The following OGG1 variants were observed in gnomAD, a reference collection of about 807,000 sequenced individuals.
OGG1 encodes 8-oxoguanine DNA glycosylase.
A neutral mutation model predicts 42.3 loss-of-function variants in OGG1; 35 were observed. The ratio of observed to expected loss-of-function variants is 0.83; its 90% confidence interval spans 0.63 to 1.10. The LOEUF is 1.10. OGG1 is among the 50% of genes least tolerant of loss of function. The probability of loss-of-function intolerance (pLI) is 0.00; values close to 1 mark genes in which losing one functional copy is unlikely to be tolerated. For synonymous variants in OGG1, 189 were observed against 179.0 expected (o/e 1.06, Z -0.44); for missense variants, 484 against 446.7 (o/e 1.08, Z -0.75).
intron 3 of OGG1, 143 bp from the exon 4 acceptor site, chr3:9,754,561 T>C (rs2077449168): frequency 1.2e-6 from 1 of 819,022 alleles, no homozygotes; most frequent in Non-Finnish European, 2.0e-6. Flanking sequence ...CACATAAAAG[T>C]GTCCACTATC....
At chr3:9,774,429 C>CA (rs1351128894) in intron 2 of OGG1, among the ~76,000 whole-genome samples, 19 of 94,056 alleles carry the variant, frequency 2.0e-4, no homozygotes, top group African/African-American at 6.9e-4. Flanking sequence ...AAAAAAAAAA[C>CA]AAAACTTTAA....
At chr3:9,763,352 C>T in intron 7 of OGG1, 2 of 900,518 alleles carry the variant, frequency 2.2e-6, no homozygotes, top group South Asian at 1.6e-5. Context: ...ATGATTGCAC[C>T]TGTGACTAGC....
At chr3:9,790,329 A>G (rs1029426139), downstream of OGG1, among the ~76,000 whole-genome samples, 1 of 152,226 alleles carries the variant, frequency 6.6e-6, no homozygotes, top group Non-Finnish European at 1.5e-5. Context: ...CTTAGATGCT[A>G]AAATACAACT....
rs1263557382 is a variant in OGG1, at chr3:9,784,324, C to T, written c.382+2724C>T. 1.2e-5 allele frequency: 16 copies of T among 1,389,914 alleles called. No individual in the cohort carries two copies. In the South Asian group the frequency reaches 2.3e-4, roughly 20 times the overall value. 86.1% of individuals were successfully genotyped at this position (1,389,914 alleles called of 1,614,324 possible). ...GTGAAAACCTGCCTTTCCCTTTGGG[C>T]ACCCCCTCTGTATCTATCCAGATAC... On this transcript the variant is annotated intron_variant, in intron 3 of 3. Coordinates refer to the OGG1 transcript ENST00000426518.
At position 9,765,665 on chromosome 3, in the gene OGG1, G is replaced by GAGTT; in HGVS notation, c.1049-143_1049-140dup. The GAGTT allele has an allele frequency of 2.8e-6, 4 of 1,407,156 alleles. No homozygotes were observed. The South Asian group carries it at 5.0e-5, about 18-fold the overall frequency. 87.2% of individuals were successfully genotyped at this position (1,407,156 alleles called of 1,614,324 possible). On this transcript the variant is annotated intron_variant, in intron 7 of 7. Coordinates refer to the OGG1 transcript ENST00000302008. The stretch of plus-strand genomic sequence containing the variant: ...ATAAAGGGGCAATTTAAGGCTTAGA[G>GAGTT]AGTTTAAATGATTTGTCCAAAGCAG...
chr3:9,789,990 G>C (rs200731930), downstream of OGG1: 19 of 1,557,028 alleles, frequency 1.2e-5, no homozygotes, highest in Middle Eastern at 3.5e-4. Flanking sequence ...GTGTCACTGA[G>C]GGGGAGAAGG....
At chr3:9,787,125 A>C in intron 3 of OGG1, 1 of 1,614,142 alleles carries the variant, frequency 6.2e-7, no homozygotes, top group African/African-American at 1.3e-5. Context: ...CGGGCACAGG[A>C]AAGGAGGGGA....
chr3:9,751,815 T>C lies in OGG1; in HGVS notation c.431T>C (p.Phe144Ser). 6.2e-7 allele frequency: 1 copy of C among 1,614,172 alleles called. No individual in the cohort carries two copies. The highest frequency in any genetic ancestry group is 8.5e-7 in the Non-Finnish European group (1 of 1,180,026). Reference sequence around the variant, plus strand: ...GACCCCATCGAATGCCTTTTCTCTTTTATCTGTTCCTCCAACAACAACATC... The same window carrying C: ...GACCCCATCGAATGCCTTTTCTCTTCTATCTGTTCCTCCAACAACAACATC... ...RQDPIECLFS[F>S]ICSSNNNIAR... Residue 144 changes from phenylalanine (F) to serine (S), a missense_variant, in exon 3 of 7, where the codon TTT becomes TCT. Transcript: ENST00000344629.
At chr3:9,787,469 T>C (rs1457838778) in intron 3 of OGG1, 3 of 1,342,448 alleles carry the variant, frequency 2.2e-6, no homozygotes, top group African/African-American at 1.5e-5. Context: ...GTGTCAGGTG[T>C]AGGTAAGAAA....
chr3:9,756,594 C>A lies in OGG1; in HGVS notation c.871C>A (p.Pro291Thr). 1.2e-6 allele frequency: 2 copies of A among 1,614,082 alleles called. No individual in the cohort carries two copies. Among genetic ancestry groups the A allele is most frequent in the South Asian group, 2.2e-5 (2 of 91,080 alleles). ...CCCTACCACGTCCCAGGCGAAGGGACCGAGCCCCCAGACCAACAAGGAACT... is the reference window on the plus strand; with the variant it reads ...CCCTACCACGTCCCAGGCGAAGGGAACGAGCCCCCAGACCAACAAGGAACT... ...WHPTTSQAKG[P>T]SPQTNKELGN... The change falls in exon 5 of 7, where the codon CCG (proline) becomes ACG (threonine). Residue 291 changes from proline to threonine, a missense_variant. Coordinates refer to ENST00000344629, the MANE Select transcript of OGG1 (RefSeq NM_002542.6).
At chr3:9,762,957 A>G (rs761876706) in intron 7 of OGG1, 1 of 1,614,062 alleles carries the variant, frequency 6.2e-7, no homozygotes, top group Non-Finnish European at 8.5e-7. Context: ...CAGGTATTTC[A>G]CAGCATCCAG....
At chr3:9,777,144 C>A (rs764172439) in intron 2 of OGG1, among the ~76,000 whole-genome samples, 12 of 152,206 alleles carry the variant, frequency 7.9e-5, no homozygotes, top group Admixed American at 1.3e-4. Context: ...CTCACTCACC[C>A]TGGTGTTGCT....
At chr3:9,770,160 A>G (rs939660552), downstream of OGG1, among the ~76,000 whole-genome samples, 5 of 152,206 alleles carry the variant, frequency 3.3e-5, no homozygotes, top group Non-Finnish European at 4.4e-5. Flanking sequence ...TCCATTTCAC[A>G]GAGGGGACAA....
chr3:9,752,658 C>T (rs548063933), intron 3 of OGG1, among the ~76,000 whole-genome samples: 4 of 152,098 alleles, frequency 2.6e-5, no homozygotes, highest in African/African-American at 9.6e-5. Flanking sequence ...GCAAGTGTAT[C>T]GATTGGCAGA....
At chr3:9,759,868 T>A, downstream of OGG1, 3 of 1,563,804 alleles carry the variant, frequency 1.9e-6, no homozygotes, top group Non-Finnish European at 2.6e-6. Flanking sequence ...GCCAAATCAG[T>A]CCATGCCCCA....
chr3:9,785,295 T>C, intron 3 of OGG1: 1 of 1,584,176 alleles, frequency 6.3e-7, no homozygotes, highest in East Asian at 2.3e-5. Context: ...GACTGTGGGT[T>C]GTGGATAGGA....
intron 2 of OGG1, among the ~76,000 whole-genome samples, chr3:9,780,818 T>A (rs1285181283): frequency 6.6e-6 from 1 of 152,202 alleles, no homozygotes; most frequent in East Asian, 1.9e-4. Context: ...CTCTCAATTT[T>A]GTTGTGAACT....
intron 2 of OGG1, chr3:9,780,208 A>C: frequency 1.3e-6 from 1 of 783,324 alleles, no homozygotes; most frequent in Non-Finnish European, 2.0e-6. Context: ...AGCTAGGCCA[A>C]AAGACCTCAG....
chr3:9,787,544 GACAC>G, intron 3 of OGG1: 1 of 948,814 alleles, frequency 1.1e-6, no homozygotes, highest in East Asian at 2.7e-5. Context: ...AAAGAACTAA[GACAC>G]ACACACAGAA....
Sources: allele counts gnomAD v4.1 joint callset (sites outside exome capture counted in the v4.1 genomes callset), GRCh38; gene constraint gnomAD v4.1.1; transcripts MANE v1.5; gene names NCBI Gene and HGNC (gene_info 2026-07-23, HGNC 2026-07-21).